LTBP2: variants seen among roughly 807,000 people sequenced by gnomAD.
The protein encoded by LTBP2 is latent-transforming growth factor beta-binding protein 2.
In LTBP2, 103 loss-of-function variants were observed where a neutral mutation model predicts 210.6. The observed-to-expected ratio is 0.49, with a 90% CI of 0.42 to 0.58. The LOEUF is 0.58. Ranked by LOEUF, LTBP2 falls within the 20% of genes least tolerant of loss-of-function variation. LTBP2 has a pLI of 0.00. For missense variants in LTBP2, 2,313 were observed against 2,494.5 expected (o/e 0.93, Z 1.55); for synonymous variants, 1,007 against 1,015.0 (o/e 0.99, Z 0.15).
In LTBP2 at chr14:74,586,858, C is replaced by T. The variant is rs144932270; in HGVS notation, c.566-740G>A. 1.1e-3 allele frequency among the ~76,000 whole-genome samples: 166 copies of T among 152,316 alleles called. No individual in the cohort carries two copies. The highest frequency in any genetic ancestry group is 4.1e-3 in the South Asian group (20 of 4,826). ...AGAATATAGCTGCCGGCACCACAGC[C>T]GCTGCCGGCCAGGTAAGTGCCCCGC... On this transcript the variant is annotated intron_variant, in intron 2 of 35. Coordinates refer to ENST00000261978, the MANE Select transcript of LTBP2 (RefSeq NM_000428.3). This position sits in a 1 kb window ranked among gnomAD's most constrained non-coding sequence, Gnocchi z 4.6.
At chr14:74,549,548 C>G (rs1453697040) in intron 8 of LTBP2, among the ~76,000 whole-genome samples, 2 of 152,176 alleles carry the variant, frequency 1.3e-5, no homozygotes, top group African/African-American at 2.4e-5. Context: ...ATCTCTGGAC[C>G]CCTGGCATCT....
chr14:74,551,950 TC>T (rs1415619278), intron 6 of LTBP2, among the ~76,000 whole-genome samples: 1 of 152,166 alleles, frequency 6.6e-6, no homozygotes, highest in Non-Finnish European at 1.5e-5. Flanking sequence ...TGTTTTGTCT[TC>T]CCCAGGGTTC....
chr14:74,550,302 T>C (rs181192792), intron 7 of LTBP2, among the ~76,000 whole-genome samples: 8 of 152,270 alleles, frequency 5.3e-5, no homozygotes, highest in African/African-American at 1.9e-4. Context: ...TCCAGGGAAC[T>C]GCAGGGTCAC....
At chr14:74,501,267 G>A (rs986843580) in intron 35 of LTBP2, among the ~76,000 whole-genome samples, 174 bp downstream of exon 35, 2 of 152,198 alleles carry the variant, frequency 1.3e-5, no homozygotes, top group Admixed American at 6.5e-5. Context: ...GAACCTGCAC[G>A]GAAGGGGCTT....
chr14:74,589,362 A>G (rs989492725), intron 2 of LTBP2, among the ~76,000 whole-genome samples: 2 of 152,160 alleles, frequency 1.3e-5, no homozygotes, highest in Non-Finnish European at 2.9e-5. Flanking sequence ...TGCTGACCAG[A>G]GACACAAAGG....
chr14:74,537,279 C>T (rs966662838), intron 8 of LTBP2, among the ~76,000 whole-genome samples: 21 of 152,176 alleles, frequency 1.4e-4, no homozygotes, highest in Non-Finnish European at 1.8e-4. Context: ...AGGCATACTT[C>T]TGATCGCCAC....
rs568697062 is a variant in LTBP2, at chr14:74,580,651, T to G, written c.830+5203A>C. 3.9e-5 allele frequency among the ~76,000 whole-genome samples: 6 copies of G among 152,280 alleles called. No individual in the cohort carries two copies. In the South Asian group the frequency reaches 1.2e-3, roughly 32 times the overall value. ...TTCTGCTATTTTAAGCCACTCAGTGTGTTATGGAAGCCTTAGAAAACTAAC... is the reference window on the plus strand; with the variant it reads ...TTCTGCTATTTTAAGCCACTCAGTGGGTTATGGAAGCCTTAGAAAACTAAC... On this transcript the variant is annotated intron_variant, in intron 3 of 35. Transcript: ENST00000261978.
chr14:74,611,299 C>G, intron 1 of LTBP2, 152 bp downstream of exon 1: 1 of 851,868 alleles, frequency 1.2e-6, no homozygotes, highest in South Asian at 3.4e-5. Context: ...CTTCCAATCC[C>G]GATTTTGGAA....
intron 18 of LTBP2, among the ~76,000 whole-genome samples, chr14:74,515,549 G>A (rs1566618939): frequency 1.3e-5 from 2 of 152,066 alleles, no homozygotes; most frequent in Non-Finnish European, 2.9e-5. Context: ...GAGCCACCGC[G>A]CCCAGCCTAA....
Position 74,499,490 on chromosome 14 carries a change from CAG to C in LTBP2, c.*1392_*1393del. Reference sequence around the variant, plus strand: ...CTAACAATCAGAGGAGCAGGTAGGACAGGGCAGATTAAATTAAGAAAGTAGCA... The same window carrying C: ...CTAACAATCAGAGGAGCAGGTAGGACGGCAGATTAAATTAAGAAAGTAGCA... On this transcript the variant is annotated 3_prime_UTR_variant, in exon 36 of 36. Transcript: ENST00000261978. 1 of 228,892 alleles carries C rather than the reference CAG, an allele frequency of 4.4e-6. No homozygotes were observed. Among genetic ancestry groups the C allele is most frequent in the Non-Finnish European group, 8.7e-6 (1 of 115,324 alleles). The allele number at this position is 228,892 out of a possible 1,614,324, so 14.2% of individuals were successfully genotyped here.
At position 74,555,578 on chromosome 14, in the gene LTBP2, G is replaced by T. The variant is rs968947294; in HGVS notation, c.946C>A (p.Pro316Thr). The T allele has an allele frequency of 1.2e-6, 2 of 1,612,204 alleles. No homozygotes were observed. Among genetic ancestry groups the T allele is most frequent in the Admixed American group, 1.7e-5 (1 of 59,854 alleles). Residue 316 changes from proline (P) to threonine (T), a missense_variant, in exon 4 of 36, where the codon CCC becomes ACC. Around this residue, in one of 3 missense-constraint regions of LTBP2, gnomAD observed 1,867 missense variants for 1,976.9 expected, o/e 0.94. Coordinates refer to ENST00000261978, the MANE Select transcript of LTBP2 (RefSeq NM_000428.3). ...CTCTGCTCAAGGCCTGGTCCCGGGG[G>T]CAGGGCGTTGGAAGAGAGCTGGCTA... is the stretch of plus-strand genomic sequence containing the variant. ...ASSQLSSNAL[P>T]PGPGLEQRDG...
chr14:74,606,783 C>T (rs1312544234), intron 1 of LTBP2, among the ~76,000 whole-genome samples: 1 of 151,926 alleles, frequency 6.6e-6, no homozygotes, highest in Non-Finnish European at 1.5e-5. Context: ...GCGGAGGCTG[C>T]AGTGAGCAGA....
chr14:74,542,835 C>A (rs1363268418), intron 8 of LTBP2, among the ~76,000 whole-genome samples: 1 of 150,740 alleles, frequency 6.6e-6, no homozygotes, highest in Non-Finnish European at 1.5e-5. Context: ...GGCGCGATCT[C>A]AGCTCACTGC....
Position 74,556,318 on chromosome 14 carries a change from G to A in LTBP2, c.831-625C>T, listed in dbSNP as rs946966923. Among the ~76,000 whole-genome samples the A allele has an allele frequency of 3.9e-5, 6 of 152,200 alleles. No individual in the cohort carries two copies. The South Asian group carries it at 6.2e-4, about 16-fold the overall frequency. ...ATATTTTCTTTCAACCTTTGCTCAC[G>A]TATATGATTTTACACTATTGTCATC... On this transcript the variant is annotated intron_variant, in intron 3 of 35. Coordinates refer to ENST00000261978, the MANE Select transcript of LTBP2 (RefSeq NM_000428.3).
chr14:74,605,526 C>T (rs536855656), intron 1 of LTBP2, among the ~76,000 whole-genome samples: 24 of 152,320 alleles, frequency 1.6e-4, no homozygotes, highest in African/African-American at 5.8e-4. Flanking sequence ...GGGGAAACTA[C>T]GTACCCACTT....
intron 2 of LTBP2, among the ~76,000 whole-genome samples, chr14:74,593,960 G>A (rs1192594118): frequency 1.3e-5 from 2 of 152,124 alleles, no homozygotes; most frequent in Admixed American, 1.3e-4. Context: ...AATGGTACCT[G>A]GCGCACAGTA....
chr14:74,505,171 T>C lies in LTBP2; in HGVS notation c.4181A>G (p.Gln1394Arg), dbSNP rs1398241239. ...CCCCGTTGGGGCCTCAGACATACTC[T>C]GACCTGTGCGTGACAGATGCTCATT... ...GHCRPRGAGG[Q>R]SMSEAPTGDH... The change falls in exon 29 of 36, where the codon CAG becomes CGG. Residue 1394 changes from glutamine (Q) to arginine (R), a missense_variant. Gln to Arg is a conservative substitution (Grantham distance 43). Coordinates refer to ENST00000261978, the MANE Select transcript of LTBP2 (RefSeq NM_000428.3). The C allele has an allele frequency of 5.0e-6, 8 of 1,612,722 alleles. No homozygotes were observed. The highest frequency in any genetic ancestry group is 6.8e-6 in the Non-Finnish European group (8 of 1,180,002).
chr14:74,568,979 A>G (rs1027870480), intron 3 of LTBP2, among the ~76,000 whole-genome samples: 1 of 152,038 alleles, frequency 6.6e-6, no homozygotes, highest in African/African-American at 2.4e-5. Context: ...ACCTACCCCT[A>G]TTACCCACAC....
Position 74,510,183 on chromosome 14 carries a change from C to A in LTBP2, c.3059G>T (p.Cys1020Phe). The change falls in exon 20 of 36, where the codon TGT becomes TTT. Residue 1020 changes from cysteine (C) to phenylalanine (F), a missense_variant. By Grantham distance (205) the Cys-to-Phe change is radical (BLOSUM62 -2). Coordinates refer to ENST00000261978, the MANE Select transcript of LTBP2 (RefSeq NM_000428.3). ...DVNECLTPGV[C>F]AHGKCTNLEG... ...TAGGTTGGTGCACTTTCCATGGGCACAGACCCCGGGAGTCAGACACTCATT... is the reference window on the plus strand; with the variant it reads ...TAGGTTGGTGCACTTTCCATGGGCAAAGACCCCGGGAGTCAGACACTCATT... 6.2e-7 allele frequency: 1 copy of A among 1,614,016 alleles called. No individual in the cohort carries two copies. The highest frequency in any genetic ancestry group is 8.5e-7 in the Non-Finnish European group (1 of 1,180,024).
Sources: allele counts gnomAD v4.1 joint callset (sites outside exome capture counted in the v4.1 genomes callset), GRCh38; gene constraint gnomAD v4.1.1; regional missense constraint gnomAD v4.1.1; non-coding constraint Gnocchi (gnomAD v3.1); transcripts MANE v1.5; gene names NCBI Gene and HGNC (gene_info 2026-07-23, HGNC 2026-07-21).